The following FARS2 variants were observed in gnomAD, a reference collection of about 807,000 sequenced individuals.
FARS2 encodes the protein phenylalanine--tRNA ligase, mitochondrial.
FARS2 carries 40 observed loss-of-function variants against 46.4 expected under a neutral mutation model. The ratio of observed to expected loss-of-function variants is 0.86; its 90% confidence interval spans 0.67 to 1.12. The LOEUF (loss-of-function observed/expected upper bound fraction) is 1.12, where lower values mean the gene tolerates loss of function less well. FARS2 is among the 50% of genes most tolerant of loss of function. FARS2 has a pLI of 0.00. For missense variants in FARS2, 513 were observed against 567.9 expected, an observed-to-expected ratio of 0.90 and a Z score of 0.98; for synonymous variants, 234 against 214.9, an observed-to-expected ratio of 1.09 and a Z score of -0.78.
At chr6:5,597,753 G>A (rs1218673141) in intron 5 of FARS2, among the ~76,000 whole-genome samples, 1 of 152,110 alleles carries the variant, frequency 6.6e-6, no homozygotes, top group Non-Finnish European at 1.5e-5. Context: ...ATATTAACAG[G>A]TGGAATTTTA....
chr6:5,485,675 A>G (rs764632758), intron 4 of FARS2, among the ~76,000 whole-genome samples: 3 of 152,136 alleles, frequency 2.0e-5, no homozygotes, highest in Non-Finnish European at 2.9e-5. Context: ...TAACAAATGT[A>G]AAAAACATTT....
rs529148982 is a variant in FARS2, at chr6:5,625,080, C to T, written c.1217+11760C>T. The stretch of plus-strand genomic sequence containing the variant: ...TAGCTCCCACAGTTAATGATATTGT[C>T]TTGAAAACGAAGAGATTTATGAATT... On this transcript the variant is annotated intron_variant, in intron 6 of 6. Coordinates refer to ENST00000274680, the MANE Select transcript of FARS2 (RefSeq NM_006567.5). Among the ~76,000 whole-genome samples the T allele has an allele frequency of 3.9e-5, 6 of 152,280 alleles. No homozygotes were observed. The South Asian group carries it at 1.0e-3, about 26-fold the overall frequency.
intron 1 of FARS2, among the ~76,000 whole-genome samples, chr6:5,282,210 G>T (rs962007602): frequency 1.3e-5 from 2 of 152,178 alleles, no homozygotes; most frequent in African/African-American, 4.8e-5. Flanking sequence ...CAGAGGACTT[G>T]CTCTGTATTG....
At chr6:5,532,827 T>C (rs1769946787) in intron 4 of FARS2, among the ~76,000 whole-genome samples, 1 of 151,346 alleles carries the variant, frequency 6.6e-6, no homozygotes, top group African/African-American at 2.5e-5. Flanking sequence ...AATTGCTAGG[T>C]TGTTTTAGTG....
chr6:5,585,233 T>C (rs1166134541), intron 5 of FARS2, among the ~76,000 whole-genome samples: 1 of 152,224 alleles, frequency 6.6e-6, no homozygotes, highest in Non-Finnish European at 1.5e-5. Context: ...ATGCGATGTC[T>C]GCATACCTTG....
chr6:5,408,203 T>C (rs1039424270), intron 3 of FARS2, among the ~76,000 whole-genome samples: 1 of 152,160 alleles, frequency 6.6e-6, no homozygotes, highest in Non-Finnish European at 1.5e-5. Flanking sequence ...TTGGGAAACA[T>C]AGGATGTTCT....
At chr6:5,757,064 G>A (rs937131792) in intron 6 of FARS2, among the ~76,000 whole-genome samples, 1 of 152,106 alleles carries the variant, frequency 6.6e-6, no homozygotes, top group Non-Finnish European at 1.5e-5. Flanking sequence ...TAACCCATGG[G>A]CAGTCTTATT....
the FARS2 span, among the ~76,000 whole-genome samples, chr6:5,254,238 C>T: frequency 6.6e-6 from 1 of 152,190 alleles, no homozygotes; most frequent in African/African-American, 2.4e-5. Context: ...AACGAATTGG[C>T]CTCATCCGCC....
At chr6:5,460,861 G>A (rs970392731) in intron 4 of FARS2, among the ~76,000 whole-genome samples, 2 of 152,094 alleles carry the variant, frequency 1.3e-5, no homozygotes, top group Admixed American at 6.5e-5. Flanking sequence ...TGTCAGGAAG[G>A]CCAGGAAATG....
At chr6:5,388,600 T>C (rs1760288869) in intron 2 of FARS2, among the ~76,000 whole-genome samples, 1 of 152,178 alleles carries the variant, frequency 6.6e-6, no homozygotes, top group African/African-American at 2.4e-5. Context: ...TGTGCTCATT[T>C]GTGCACTCTG....
chr6:5,554,758 G>A (rs1270257785), intron 5 of FARS2, among the ~76,000 whole-genome samples: 2 of 152,170 alleles, frequency 1.3e-5, no homozygotes, highest in Non-Finnish European at 2.9e-5. Flanking sequence ...GCGTCAGCAA[G>A]TAGTTCAACC....
chr6:5,430,506 C>T (rs1328187744), intron 3 of FARS2, among the ~76,000 whole-genome samples: 2 of 151,886 alleles, frequency 1.3e-5, no homozygotes, highest in Non-Finnish European at 2.9e-5. Context: ...AAATGTTTTA[C>T]TTAAGATTGA....
chr6:5,288,218 C>G (rs1023756980), intron 1 of FARS2, among the ~76,000 whole-genome samples: 1 of 152,188 alleles, frequency 6.6e-6, no homozygotes, highest in Non-Finnish European at 1.5e-5. Context: ...ACCATCTGCC[C>G]TGAGATCTTG....
chr6:5,768,997 CA>C (rs1762886178), intron 6 of FARS2, among the ~76,000 whole-genome samples: 1 of 152,008 alleles, frequency 6.6e-6, no homozygotes, highest in Non-Finnish European at 1.5e-5. Context: ...CCAAGTTTAT[CA>C]TTTTTTTTAA....
rs529566059 is a variant in FARS2, at chr6:5,412,984, G to A, written c.772+8283G>A. On this transcript the variant is annotated intron_variant, in intron 3 of 6. Transcript: ENST00000274680. ...GACTTGGGATCATTAACTGTGAAAA[G>A]TGAAGTGCCTCGCTTTAAGCCAGTG... is the stretch of plus-strand genomic sequence containing the variant. Among the ~76,000 whole-genome samples the A allele has an allele frequency of 3.9e-5, 6 of 152,322 alleles. No individual in the cohort carries two copies. The South Asian group carries it at 1.2e-3, about 32-fold the overall frequency.
chr6:5,318,918 C>A (rs796489459), intron 1 of FARS2, among the ~76,000 whole-genome samples: 80 of 152,276 alleles, frequency 5.3e-4, no homozygotes, highest in African/African-American at 1.9e-3. Context: ...TCCAGTCAGC[C>A]TGCATCGGCC....
In FARS2 at chr6:5,712,122, A is replaced by T. The variant is rs533355914; in HGVS notation, c.1218-59169A>T. 2.0e-4 allele frequency among the ~76,000 whole-genome samples: 30 copies of T among 152,356 alleles called. No individual in the cohort carries two copies. In the South Asian group the frequency reaches 6.2e-3, roughly 32 times the overall value. On this transcript the variant is annotated intron_variant, in intron 6 of 6. Transcript: ENST00000274680. ...TTTACCAGATTATTTTAAATATTAA[A>T]AAAATACCAAGATGAAACAAAATAC...
At chr6:5,503,030 ATTAT>A in intron 4 of FARS2, among the ~76,000 whole-genome samples, 3 of 152,260 alleles carry the variant, frequency 2.0e-5, no homozygotes, top group Admixed American at 2.0e-4. Context: ...TTATGATCAA[ATTAT>A]TTATTTTTGT....
At chr6:5,301,878 C>T (rs1768343703) in intron 1 of FARS2, among the ~76,000 whole-genome samples, 1 of 151,796 alleles carries the variant, frequency 6.6e-6, no homozygotes, top group East Asian at 1.9e-4. Flanking sequence ...GTGGACCCCA[C>T]ACAAGTAAGG....
Sources: gnomAD v4.1 joint callset for allele counts (sites outside exome capture counted in the v4.1 genomes callset) on GRCh38, gnomAD v4.1.1 for gene constraint, MANE v1.5 for transcripts, NCBI Gene and HGNC (gene_info 2026-07-23, HGNC 2026-07-21) for gene names.